SIPA1L2: variants seen among roughly 807,000 people sequenced by gnomAD.
SIPA1L2 encodes the protein signal induced proliferation associated 1 like 2.
Under a neutral mutation model 163.9 loss-of-function variants are expected in SIPA1L2, and 56 were observed. The observed-to-expected ratio is 0.34, with a 90% CI of 0.28 to 0.43. SIPA1L2 has a LOEUF of 0.43. Ranked by LOEUF, SIPA1L2 falls within the 20% of genes least tolerant of loss-of-function variation. The pLI, the probability that SIPA1L2 is intolerant of heterozygous loss-of-function variation, is 1.00. For missense variants in SIPA1L2, 1,974 were observed against 2,193.5 expected (o/e 0.90, Z 2.00); for synonymous variants, 877 against 865.7 (o/e 1.01, Z -0.23).
intron 7 of SIPA1L2, among the ~76,000 whole-genome samples, chr1:232,473,356 C>T (rs1424672688): frequency 2.0e-5 from 3 of 152,216 alleles, no homozygotes; most frequent in Admixed American, 2.0e-4. Context: ...CTCAGACTGT[C>T]AAAAGATGGA....
intron 5 of SIPA1L2, 151 bp downstream of exon 5, chr1:232,490,723 T>G: frequency 1.3e-6 from 1 of 783,540 alleles, no homozygotes. Flanking sequence ...TCCAAACTAG[T>G]ATAAAAACAT....
chr1:232,462,421 GC>G (rs1166352883), intron 9 of SIPA1L2: 46 of 1,424,866 alleles, frequency 3.2e-5, no homozygotes, highest in Non-Finnish European at 4.2e-5. Context: ...AGTAAGTACA[GC>G]TGTGGGACTG....
At chr1:232,552,761 A>T (rs1658467845) in intron 2 of SIPA1L2, among the ~76,000 whole-genome samples, 1 of 152,254 alleles carries the variant, frequency 6.6e-6, no homozygotes, top group African/African-American at 2.4e-5. Context: ...TCATGAAATA[A>T]AAAAGCAGAT....
At chr1:232,435,075 A>G (rs1662474669) in intron 15 of SIPA1L2, among the ~76,000 whole-genome samples, 1 of 152,114 alleles carries the variant, frequency 6.6e-6, no homozygotes, top group Non-Finnish European at 1.5e-5. Context: ...CGTGTGTCTC[A>G]TGTATTTTAA....
chr1:232,418,410 C>T (rs769258015), intron 18 of SIPA1L2, among the ~76,000 whole-genome samples: 32 of 152,332 alleles, frequency 2.1e-4, no homozygotes, highest in Non-Finnish European at 4.1e-4. Flanking sequence ...GTGAAATAAG[C>T]TCTGACAATT....
chr1:232,445,783 C>A lies in SIPA1L2; in HGVS notation c.3099G>T (p.Gly1033=), dbSNP rs1398493041. ...QPHDDGSPRR[G]CSELCRIPMV... is the part of the protein sequence containing the mutation. ...TAGGGATCCGGCAGAGCTCTGAACA[C>A]CCTCTGTTGGGCCAAGAAGAAATGG... The change falls in exon 11 of 23, where the codon GGG becomes GGT. Residue 1033 remains glycine, a synonymous_variant. Coordinates refer to ENST00000674635, the MANE Select transcript of SIPA1L2 (RefSeq NM_020808.5). 1 of 1,612,220 alleles carries A rather than the reference C, an allele frequency of 6.2e-7. No individual in the cohort carries two copies. Among genetic ancestry groups the A allele is most frequent in the Non-Finnish European group, 8.5e-7 (1 of 1,179,252 alleles).
chr1:232,420,783 C>T (rs186872519), intron 18 of SIPA1L2, among the ~76,000 whole-genome samples: 6 of 152,186 alleles, frequency 3.9e-5, no homozygotes, highest in South Asian at 2.1e-4. Context: ...TGCAGTGAGC[C>T]GAGATTGTGC....
In SIPA1L2 at chr1:232,483,776, C is replaced by A. The variant is rs1558213269; in HGVS notation, c.1981+16G>T. On this transcript the variant is annotated intron_variant, in intron 6 of 22. Transcript: ENST00000674635. The stretch of plus-strand genomic sequence containing the variant: ...GGAGAATTAAAAATGTGCACACACA[C>A]AAACATTAAACTTACTCTTATTGTC... 2 of 1,613,368 alleles carry A rather than the reference C, an allele frequency of 1.2e-6. No individual in the cohort carries two copies. Among genetic ancestry groups the A allele is most frequent in the African/African-American group, 1.3e-5 (1 of 74,978 alleles).
intron 7 of SIPA1L2, among the ~76,000 whole-genome samples, chr1:232,474,750 G>T (rs556052036): frequency 6.7e-6 from 1 of 150,258 alleles, no homozygotes; most frequent in African/African-American, 2.4e-5. Context: ...TTATATATCA[G>T]TAAAAAAAAA....
At position 232,453,743 on chromosome 1, in the gene SIPA1L2, A is replaced by C. The variant is rs563999369; in HGVS notation, c.3095+7144T>G. ...AGTTCAGGGCTCTTCCTAAAACACAAGGCTTTTTTTTTTTTTTTTTGAAAA... is the reference window on the plus strand; with the variant it reads ...AGTTCAGGGCTCTTCCTAAAACACACGGCTTTTTTTTTTTTTTTTTGAAAA... On this transcript the variant is annotated intron_variant, in intron 10 of 22. Transcript: ENST00000674635. 4.2e-5 allele frequency among the ~76,000 whole-genome samples: 6 copies of C among 141,394 alleles called. No individual in the cohort carries two copies. In the South Asian group the frequency reaches 1.4e-3, roughly 32 times the overall value. The allele number at this position is 141,394 out of a possible 152,430, so 92.8% of individuals were successfully genotyped here.
Position 232,471,496 on chromosome 1 carries a change from GAT to G in SIPA1L2, c.2116_2117del (p.Ile706ArgfsTer33), listed in dbSNP as rs1334685028. The G allele has an allele frequency of 6.2e-7, 1 of 1,613,812 alleles. No homozygotes were observed. The highest frequency in any genetic ancestry group is 1.6e-4 in the Middle Eastern group (1 of 6,080). On this transcript the variant is annotated frameshift_variant, in exon 8 of 23. Transcript: ENST00000674635. LOFTEE classifies it high-confidence loss of function. ...CAGGCTCCTGGAAGACGATGGTGAC[GAT>G]GTCATTTCCTATGTGCCTTTTCCTC... is the stretch of plus-strand genomic sequence containing the variant. Reference protein sequence around the residue: ...LLRKRHIGNDIVTIVFQEPGA... With the variant: ...LLRKRHIGNDXVTIVFQEPGA...
intron 2 of SIPA1L2, among the ~76,000 whole-genome samples, chr1:232,565,100 T>C (rs933184209): frequency 1.3e-5 from 2 of 152,140 alleles, no homozygotes; most frequent in Non-Finnish European, 2.9e-5. Flanking sequence ...AAATGAAAGA[T>C]AGAAATAGTA....
In SIPA1L2 at chr1:232,499,956, C is replaced by T. The variant is rs191407189; in HGVS notation, c.1484-6296G>A. On this transcript the variant is annotated intron_variant, in intron 3 of 22. Coordinates refer to ENST00000674635, the MANE Select transcript of SIPA1L2 (RefSeq NM_020808.5). ...GCAGAACAAAGCCTAGATGACAGCA[C>T]ATCTGTTTACAGTATGGTTTACTGA... is the stretch of plus-strand genomic sequence containing the variant. Among the ~76,000 whole-genome samples the T allele has an allele frequency of 2.3e-3, 354 of 152,122 alleles. 3 individuals carry two copies. Among genetic ancestry groups the T allele is most frequent in the African/African-American group, 8.0e-3 (333 of 41,512 alleles).
intron 1 of SIPA1L2, among the ~76,000 whole-genome samples, chr1:232,608,047 CAAAAAAAAA>C (rs56208215): frequency 4.4e-5 from 3 of 67,496 alleles, no homozygotes; most frequent in Admixed American, 1.7e-4. Flanking sequence ...AACTCCATCT[CAAAAAAAAA>C]AAAAAAAAAA....
intron 15 of SIPA1L2, among the ~76,000 whole-genome samples, chr1:232,433,809 T>C (rs914467731): frequency 2.0e-5 from 3 of 152,240 alleles, no homozygotes; most frequent in Non-Finnish European, 4.4e-5. Flanking sequence ...GGCTTCACTT[T>C]CAGCAAACTT....
chr1:232,445,702 G>C lies in SIPA1L2; in HGVS notation c.3180C>G (p.Phe1060Leu), dbSNP rs754422690. 1 of 1,613,752 alleles carries C rather than the reference G, an allele frequency of 6.2e-7. No individual in the cohort carries two copies. Among genetic ancestry groups the C allele is most frequent in the East Asian group, 2.2e-5 (1 of 44,860 alleles). Residue 1060 changes from phenylalanine (F) to leucine (L), a missense_variant, in exon 11 of 23, where the codon TTC (phenylalanine) becomes TTG (leucine). Coordinates refer to ENST00000674635, the MANE Select transcript of SIPA1L2 (RefSeq NM_020808.5). The part of the protein sequence containing the change: ...EGTPCEYKTP[F>L]RRNTTWHRVP... The stretch of plus-strand genomic sequence containing the variant: ...CCCGGTGCCACGTGGTGTTCCTCCT[G>C]AAGGGGGTTTTATACTCGCAGGGGG...
At chr1:232,510,472 C>T (rs952356819) in intron 3 of SIPA1L2, among the ~76,000 whole-genome samples, 2 of 152,116 alleles carry the variant, frequency 1.3e-5, no homozygotes, top group Non-Finnish European at 2.9e-5. Context: ...CGTACATCCA[C>T]CCACAATTCA....
chr1:232,438,889 G>GA (rs11338638), intron 15 of SIPA1L2, among the ~76,000 whole-genome samples: 227 of 143,862 alleles, frequency 1.6e-3, no homozygotes, highest in Middle Eastern at 0.011. Flanking sequence ...AACTTAATAG[G>GA]AAAAAAAAAA....
intron 16 of SIPA1L2, among the ~76,000 whole-genome samples, chr1:232,431,272 T>C (rs1662223134): frequency 6.6e-6 from 1 of 152,230 alleles, no homozygotes; most frequent in Non-Finnish European, 1.5e-5. Flanking sequence ...GGGCTAGTTA[T>C]CACTATGAAA....
Sources: gnomAD v4.1 joint callset for allele counts (sites outside exome capture counted in the v4.1 genomes callset) on GRCh38, gnomAD v4.1.1 for gene constraint, MANE v1.5 for transcripts, NCBI Gene and HGNC (gene_info 2026-07-23, HGNC 2026-07-21) for gene names.